The following KRT6A variants were observed in gnomAD, a reference collection of about 807,000 sequenced individuals.
KRT6A encodes keratin, type II cytoskeletal 6A.
A neutral mutation model predicts 48.6 loss-of-function variants in KRT6A; 28 were observed. The ratio of observed to expected loss-of-function variants is 0.58; its 90% CI spans 0.43 to 0.79. KRT6A has a LOEUF of 0.79. Ranked by LOEUF, KRT6A falls within the 30% of genes least tolerant of loss-of-function variation. The pLI is 0.00. For missense variants in KRT6A, 687 were observed against 724.3 expected, an observed-to-expected ratio of 0.95 and a Z score of 0.59; for synonymous variants, 301 against 294.2, an observed-to-expected ratio of 1.02 and a Z score of -0.24.
intron 6 of KRT6A, 75 bp from the exon 7 acceptor site, chr12:52,488,623 T>G (rs1303022309): frequency 7.0e-7 from 1 of 1,435,164 alleles, no homozygotes; most frequent in African/African-American, 2.7e-5. Flanking sequence ...GGTTATTTCC[T>G]AGTGAAGGGG....
At position 52,491,657 on chromosome 12, in the gene KRT6A, C is replaced by A; in HGVS notation, c.620G>T (p.Arg207Met). 1.9e-6 allele frequency: 3 copies of A among 1,614,216 alleles called. No individual in the cohort carries two copies. In the South Asian group the frequency reaches 3.3e-5, roughly 18 times the overall value. The change falls in exon 2 of 9, where the codon AGG becomes ATG. Residue 207 changes from arginine (R) to methionine (M), a missense_variant. Physicochemically the swap from Arg to Met is moderately conservative, Grantham distance 91. Transcript: ENST00000330722. ...LLQEQGTKTV[R>M]QNLEPLFEQY... The stretch of plus-strand genomic sequence containing the variant: ...CTCGAACAACGGCTCCAGGTTCTGC[C>A]TCACAGTCTTGGTGCCCTGCTCCTG...
At chr12:52,489,639 G>C (rs994628630) in intron 6 of KRT6A, among the ~76,000 whole-genome samples, 2 of 152,146 alleles carry the variant, frequency 1.3e-5, no homozygotes. Flanking sequence ...TGTATTTTAT[G>C]TGTGGCCCAA....
At chr12:52,488,182 T>G in intron 7 of KRT6A, 79 bp from the exon 8 acceptor site, 1 of 1,613,550 alleles carries the variant, frequency 6.2e-7, no homozygotes, top group South Asian at 1.1e-5. Flanking sequence ...CCTCGGTGGG[T>G]GGAAGAGTCC....
rs377196186 is a variant in KRT6A, at chr12:52,492,793, A to G, written c.396T>C (p.Pro132=). Residue 132 remains proline, a synonymous_variant, in exon 1 of 9, where the codon CCT becomes CCC. Transcript: ENST00000330722. ...FGGPGFPVCP[P]GGIQEVTVNQ... ...TGACGGTGACCTCTTGGATGCCTCC[A>G]GGGGGGCACACAGGGAAGCCAGGGC... 1 of 1,613,290 alleles carries G rather than the reference A, an allele frequency of 6.2e-7. No homozygotes were observed. Among genetic ancestry groups the G allele is most frequent in the Non-Finnish European group, 8.5e-7 (1 of 1,179,810 alleles).
rs1289441451 is a variant in KRT6A at position 52,493,112 on chromosome 12, G to C, written c.77C>G (p.Pro26Arg). The change falls in exon 1 of 9, where the codon CCT (proline) becomes CGT (arginine). Residue 26 changes from proline (P) to arginine (R), a missense_variant. Transcript: ENST00000330722. ...RGFSANSARL[P>R]GVSRSGFSSV... ...GCTGAAGCCAGAGCGGCTGACCCCAGGGAGCCTGGCTGAGTTGGCACTGAA... is the reference window on the plus strand; with the variant it reads ...GCTGAAGCCAGAGCGGCTGACCCCACGGAGCCTGGCTGAGTTGGCACTGAA... The C allele has an allele frequency of 1.9e-6, 3 of 1,613,948 alleles. No individual in the cohort carries two copies. Among genetic ancestry groups the C allele is most frequent in the South Asian group, 2.2e-5 (2 of 91,068 alleles).
In KRT6A at chr12:52,488,072, T is replaced by C. The variant is rs150913083; in HGVS notation, c.1456A>G (p.Ile486Val). Residue 486 changes from isoleucine to valine, a missense_variant, in exon 8 of 9, where the codon ATC becomes GTC. By Grantham distance (29) the Ile-to-Val change is conservative. Around this residue, in one of 3 missense-constraint regions of KRT6A, gnomAD observed 566 missense variants for 565.3 expected, o/e 1.00. Transcript: ENST00000330722. Reference protein sequence around the residue: ...LNGEGVGQVNISVVQSTVSSG... With the variant: ...LNGEGVGQVNVSVVQSTVSSG... ...GAAGGCAAGCAAAGGTACTTACAGATGTTGACTTGTCCAACGCCTTCGCCA... is the reference window on the plus strand; with the variant it reads ...GAAGGCAAGCAAAGGTACTTACAGACGTTGACTTGTCCAACGCCTTCGCCA... 3,563 of 1,613,778 alleles carry C rather than the reference T, an allele frequency of 2.2e-3. 77 individuals carry two copies. The African/African-American group carries it at 0.04, about 18-fold the overall frequency.
Position 52,492,918 on chromosome 12 carries a change from A to G in KRT6A, c.271T>C (p.Tyr91His). Reference sequence around the variant, plus strand: ...CCACTCCCGGCGCCACCAAAGCCATAGCTGCCTCCGGCTCTGCTGCCATAG... The same window carrying G: ...CCACTCCCGGCGCCACCAAAGCCATGGCTGCCTCCGGCTCTGCTGCCATAG... Reference protein sequence around the residue: ...GGYGSRAGGSYGFGGAGSGFG... With the variant: ...GGYGSRAGGSHGFGGAGSGFG... The change falls in exon 1 of 9, where the codon TAT (tyrosine) becomes CAT (histidine). Residue 91 changes from tyrosine (Y) to histidine (H), a missense_variant. This residue lies in a region of KRT6A where 49 missense variants were observed against 97.3 expected (regional missense o/e 0.50). Coordinates refer to ENST00000330722, the MANE Select transcript of KRT6A (RefSeq NM_005554.4). 1 of 1,605,714 alleles carries G rather than the reference A, an allele frequency of 6.2e-7. No individual in the cohort carries two copies. Among genetic ancestry groups the G allele is most frequent in the Non-Finnish European group, 8.5e-7 (1 of 1,176,648 alleles).
rs1938273268 is a variant in KRT6A, at chr12:52,491,887, C to A, written c.541-151G>T. On this transcript the variant is annotated intron_variant, in intron 1 of 8. Coordinates refer to ENST00000330722, the MANE Select transcript of KRT6A (RefSeq NM_005554.4). ...CTCAGGCTGAGCTCTGCTCCCCCAA[C>A]CCCTTCTCCTTTGTACCCCACCAAT... 1.9e-5 allele frequency: 19 copies of A among 1,021,920 alleles called. No homozygotes were observed. The South Asian group carries it at 2.6e-4, about 14-fold the overall frequency. 63.3% of individuals were successfully genotyped at this position (1,021,920 alleles called of 1,614,324 possible).
chr12:52,492,779 T>C lies in KRT6A; in HGVS notation c.410A>G (p.Glu137Gly). Residue 137 changes from glutamate (E) to glycine (G), a missense_variant, in exon 1 of 9, where the codon GAG (glutamate) becomes GGG (glycine). Coordinates refer to ENST00000330722, the MANE Select transcript of KRT6A (RefSeq NM_005554.4). ...FPVCPPGGIQEVTVNQSLLTP... is the reference protein window; with the variant it reads ...FPVCPPGGIQGVTVNQSLLTP... Reference sequence around the variant, plus strand: ...CAGGAGACTCTGGTTGACGGTGACCTCTTGGATGCCTCCAGGGGGGCACAC... The same window carrying C: ...CAGGAGACTCTGGTTGACGGTGACCCCTTGGATGCCTCCAGGGGGGCACAC... 6.2e-7 allele frequency: 1 copy of C among 1,613,456 alleles called. No individual in the cohort carries two copies. Among genetic ancestry groups the C allele is most frequent in the Non-Finnish European group, 8.5e-7 (1 of 1,179,860 alleles).
At chr12:52,491,405 T>G in intron 2 of KRT6A, 117 bp downstream of exon 2, 2 of 1,411,108 alleles carry the variant, frequency 1.4e-6, no homozygotes, top group Non-Finnish European at 2.0e-6. Context: ...TAATTTGTGC[T>G]CTTCATTTCC....
rs961537143 is a variant in KRT6A, at chr12:52,490,453, T to A, written c.1077+116A>T. ...GTCTACTCTAATAGTGCAGAGTGCA[T>A]GTCCTGTGAGAGGACCCCAGCTTCC... is the stretch of plus-strand genomic sequence containing the variant. On this transcript the variant is annotated intron_variant, in intron 5 of 8. Transcript: ENST00000330722. The A allele has an allele frequency of 2.7e-6, 4 of 1,509,038 alleles. No individual in the cohort carries two copies. The African/African-American group carries it at 5.5e-5, about 21-fold the overall frequency. 93.5% of individuals were successfully genotyped at this position (1,509,038 alleles called of 1,614,324 possible).
Position 52,492,624 on chromosome 12 carries a change from C to G in KRT6A, c.540+25G>C, listed in dbSNP as rs17099734. ...CTGGTCTGGGGACCCTGAAGTGCCC[C>G]ATGGAGGGCATGGCACTGGCTCACC... On this transcript the variant is annotated intron_variant, in intron 1 of 8. Transcript: ENST00000330722. 1.1e-3 allele frequency: 1,746 copies of G among 1,613,924 alleles called. 11 individuals carry two copies. The East Asian group carries it at 0.017, about 15-fold the overall frequency.
At chr12:52,489,341 C>T (rs564623831) in intron 6 of KRT6A, among the ~76,000 whole-genome samples, 16 of 152,144 alleles carry the variant, frequency 1.1e-4, no homozygotes, top group East Asian at 9.7e-4. Flanking sequence ...TGCAGTGGCG[C>T]GGTATCGACT....
chr12:52,487,837 G>T lies in KRT6A; in HGVS notation c.1578C>A (p.Gly526=), dbSNP rs759970854. 1.9e-6 allele frequency: 3 copies of T among 1,614,068 alleles called. No individual in the cohort carries two copies. The highest frequency in any genetic ancestry group is 2.5e-6 in the Non-Finnish European group (3 of 1,179,916). The change falls in exon 9 of 9, where the codon GGC becomes GGA. Residue 526 remains glycine, a synonymous_variant. Transcript: ENST00000330722. ...SYGSGLGVGG[G]FSSSSGRAIG... is the part of the protein sequence containing the mutation. ...TGGCTCTGCCACTGCTGGAACTGAAGCCACCTCCAACGCCAAGACCACTGC... is the reference window on the plus strand; with the variant it reads ...TGGCTCTGCCACTGCTGGAACTGAATCCACCTCCAACGCCAAGACCACTGC...
chr12:52,490,335 TA>T, intron 5 of KRT6A: 1 of 918,936 alleles, frequency 1.1e-6, no homozygotes, highest in Non-Finnish European at 1.7e-6. Flanking sequence ...AGGGTGAAGC[TA>T]AATGCAGAGA....
In KRT6A at chr12:52,491,690, G is replaced by T; in HGVS notation, c.587C>A (p.Thr196Asn). ...QQNKVLETKW[T>N]LLQEQGTKTV... ...CTTGGTGCCCTGCTCCTGCAGCAGG[G>T]TCCACTTTGTTTCCAGAACCTTGTT... Residue 196 changes from threonine to asparagine, a missense_variant, in exon 2 of 9, where the codon ACC becomes AAC. Physicochemically the swap from Thr to Asn is moderately conservative, Grantham distance 65. This residue lies in a region of KRT6A where 566 missense variants were observed against 565.3 expected (regional missense o/e 1.00). Transcript: ENST00000330722. 1 of 1,614,182 alleles carries T rather than the reference G, an allele frequency of 6.2e-7. No individual in the cohort carries two copies. Among genetic ancestry groups the T allele is most frequent in the Non-Finnish European group, 8.5e-7 (1 of 1,180,030 alleles).
At chr12:52,492,536 G>A in intron 1 of KRT6A, 113 bp downstream of exon 1, 3 of 1,587,844 alleles carry the variant, frequency 1.9e-6, no homozygotes, top group Non-Finnish European at 2.6e-6. Flanking sequence ...ACTCTCTGCA[G>A]AGCTGGGCTG....
intron 1 of KRT6A, 22 bp from the exon 2 acceptor site, chr12:52,491,758 C>A (rs756277135): frequency 6.2e-7 from 1 of 1,614,038 alleles, no homozygotes; most frequent in East Asian, 2.2e-5. Flanking sequence ...ACAAGATGAT[C>A]ATTTTCCAGG....
At position 52,493,096 on chromosome 12, in the gene KRT6A, A is replaced by G; in HGVS notation, c.93T>C (p.Ser31=). The G allele has an allele frequency of 6.2e-7, 1 of 1,613,964 alleles. No homozygotes were observed. Among genetic ancestry groups the G allele is most frequent in the Non-Finnish European group, 8.5e-7 (1 of 1,180,046 alleles). Residue 31 remains serine, a synonymous_variant, in exon 1 of 9, where the codon TCT becomes TCC. Transcript: ENST00000330722. ...NSARLPGVSR[S]GFSSVSVSRS... ...GGGACACGGAGACGCTGCTGAAGCC[A>G]GAGCGGCTGACCCCAGGGAGCCTGG...
Sources: allele counts gnomAD v4.1 joint callset (sites outside exome capture counted in the v4.1 genomes callset), GRCh38; gene constraint gnomAD v4.1.1; regional missense constraint gnomAD v4.1.1; transcripts MANE v1.5; gene names NCBI Gene and HGNC (gene_info 2026-07-23, HGNC 2026-07-21).